Variants in IPO5 observed in about 807,000 individuals in gnomAD.
The protein encoded by IPO5 is importin 5, also known as importin-5.
IPO5 carries 18 observed loss-of-function variants against 143.3 expected under a neutral mutation model. That is an observed-to-expected ratio of 0.13 (90% CI 0.09 to 0.19). The LOEUF (loss-of-function observed/expected upper bound fraction) is 0.19, where lower values mean the gene tolerates loss of function less well. IPO5 is among the 10% of genes least tolerant of loss of function. IPO5 has a pLI of 1.00. For missense variants in IPO5, 1,013 were observed against 1,336.9 expected (o/e 0.76, Z 3.78); for synonymous variants, 477 against 465.7 (o/e 1.02, Z -0.31).
At chr13:97,981,405 G>A in intron 4 of IPO5, 1 of 347,462 alleles carries the variant, frequency 2.9e-6, no homozygotes. Flanking sequence ...TCTTAGGCAA[G>A]TCATTAACTT....
At position 98,018,671 on chromosome 13, in the gene IPO5, T is replaced by A; in HGVS notation, c.2803T>A (p.Tyr935Asn). 3 of 1,614,208 alleles carry A rather than the reference T, an allele frequency of 1.9e-6. No individual in the cohort carries two copies. The highest frequency in any genetic ancestry group is 2.5e-6 in the Non-Finnish European group (3 of 1,180,026). The stretch of plus-strand genomic sequence containing the variant: ...ATATGGCCTGGGAGTCATGGCACAG[T>A]ACGGTGGAGATAATTATCGCCCTTT... ...AAYGLGVMAQ[Y>N]GGDNYRPFCT... The change falls in exon 26 of 29, where the codon TAC becomes AAC. Residue 935 changes from tyrosine (Y) to asparagine (N), a missense_variant. This residue lies in a region of IPO5 where 685 missense variants were observed against 994.9 expected (regional missense o/e 0.69). Coordinates refer to ENST00000651721, the MANE Select transcript of IPO5 (RefSeq NM_002271.6).
rs1888879767 is a variant in IPO5 at position 98,002,386 on chromosome 13, G to A, written c.1109-81G>A. On this transcript the variant is annotated intron_variant, in intron 13 of 28. Transcript: ENST00000651721. Reference sequence around the variant, plus strand: ...AGTTTTGTTACTCTTTTCCAAATAAGAACTTTTATACATCTCCCTCTACCA... The same window carrying A: ...AGTTTTGTTACTCTTTTCCAAATAAAAACTTTTATACATCTCCCTCTACCA... The A allele has an allele frequency of 2.2e-6, 3 of 1,367,462 alleles. No homozygotes were observed. In the African/African-American group the frequency reaches 4.4e-5, roughly 20 times the overall value. 84.7% of individuals were successfully genotyped at this position (1,367,462 alleles called of 1,614,324 possible).
intron 12 of IPO5, among the ~76,000 whole-genome samples, chr13:97,999,769 C>T (rs1430749865): frequency 1.3e-5 from 2 of 152,178 alleles, no homozygotes; most frequent in Non-Finnish European, 2.9e-5. Context: ...GTGCAGTTTG[C>T]ACCCCTTTAA....
chr13:97,985,493 C>G lies in IPO5; in HGVS notation c.244C>G (p.Pro82Ala), dbSNP rs1051518732. 30 of 1,613,862 alleles carry G rather than the reference C, an allele frequency of 1.9e-5. No individual in the cohort carries two copies. The highest frequency in any genetic ancestry group is 2.4e-5 in the Non-Finnish European group (28 of 1,179,936). Residue 82 changes from proline (P) to alanine (A), a missense_variant, in exon 6 of 29, where the codon CCC becomes GCC. Physicochemically the swap from Pro to Ala is conservative, Grantham distance 27. Transcript: ENST00000651721. ...SAFDEVYPALPSDVQTAIKSE... is the reference protein window; with the variant it reads ...SAFDEVYPALASDVQTAIKSE... Reference sequence around the variant, plus strand: ...ATTTGATGAAGTCTATCCAGCACTTCCCTCTGATGTTCAGACTGCCATCAA... The same window carrying G: ...ATTTGATGAAGTCTATCCAGCACTTGCCTCTGATGTTCAGACTGCCATCAA...
At chr13:97,955,992 C>T (rs1292372229) in intron 2 of IPO5, among the ~76,000 whole-genome samples, 2 of 151,818 alleles carry the variant, frequency 1.3e-5, no homozygotes, top group African/African-American at 4.8e-5. Context: ...ATTAGCCGGG[C>T]GTGGTGGCGG....
intron 2 of IPO5, chr13:97,960,423 T>A (rs185948018): frequency 6.6e-6 from 1 of 152,276 alleles, no homozygotes; most frequent in African/African-American, 2.4e-5. Context: ...CTGTGAATGA[T>A]AGGGGGAAAA....
At position 98,018,670 on chromosome 13, in the gene IPO5, G is replaced by A. The variant is rs1258118860; in HGVS notation, c.2802G>A (p.Gln934=). ...CATATGGCCTGGGAGTCATGGCACA[G>A]TACGGTGGAGATAATTATCGCCCTT... The part of the protein sequence containing the change: ...AAAYGLGVMA[Q]YGGDNYRPFC... Residue 934 remains glutamine, a synonymous_variant, in exon 26 of 29, where the codon CAG becomes CAA. Coordinates refer to ENST00000651721, the MANE Select transcript of IPO5 (RefSeq NM_002271.6). 10 of 1,614,202 alleles carry A rather than the reference G, an allele frequency of 6.2e-6. No individual in the cohort carries two copies. Among genetic ancestry groups the A allele is most frequent in the Non-Finnish European group, 8.5e-6 (10 of 1,180,022 alleles).
intron 2 of IPO5, 26 bp from the exon 3 acceptor site, chr13:97,969,697 C>A: frequency 1.0e-6 from 1 of 956,940 alleles, no homozygotes; most frequent in Non-Finnish European, 1.7e-6. Context: ...ATCTAATGGT[C>A]CACCATTCTG....
intron 25 of IPO5, among the ~76,000 whole-genome samples, chr13:98,017,738 G>A (rs1469540570): frequency 6.6e-6 from 1 of 152,164 alleles, no homozygotes; most frequent in Non-Finnish European, 1.5e-5. Context: ...AGATACATGT[G>A]TTTCTGTTAT....
At chr13:98,012,801 A>ATTTTTTTTTTTTTTTTTT (rs59658983) in intron 21 of IPO5, among the ~76,000 whole-genome samples, 17 of 109,158 alleles carry the variant, frequency 1.6e-4, no homozygotes, top group African/African-American at 2.0e-4. Context: ...GCTAGATTTG[A>ATTTTTTTTTTTTTTTTTT]TTTTTTTTTT....
At chr13:97,956,996 G>T (rs1478643325) in intron 2 of IPO5, among the ~76,000 whole-genome samples, 3 of 152,170 alleles carry the variant, frequency 2.0e-5, no homozygotes, top group Non-Finnish European at 2.9e-5. Context: ...CAATATCGCT[G>T]ATTTTACATG....
At position 97,969,693 on chromosome 13, in the gene IPO5, T is replaced by C. The variant is rs569596161; in HGVS notation, c.-112-30T>C. On this transcript the variant is annotated intron_variant, in intron 2 of 28. Coordinates refer to ENST00000651721, the MANE Select transcript of IPO5 (RefSeq NM_002271.6). ...ATCTTCAAAATTAAGTACCATCTAATGGTCCACCATTCTGTTTCTGTCAAA... is the reference window on the plus strand; with the variant it reads ...ATCTTCAAAATTAAGTACCATCTAACGGTCCACCATTCTGTTTCTGTCAAA... 17 of 918,988 alleles carry C rather than the reference T, an allele frequency of 1.8e-5. 1 individual carries two copies. The highest frequency in any genetic ancestry group is 1.2e-4 in the Admixed American group (7 of 56,864). The allele number at this position is 918,988 out of a possible 1,614,324, so 56.9% of individuals were successfully genotyped here. A position where few individuals can be genotyped will look rare whatever the true frequency, so the allele number is the denominator to read the frequency against.
At chr13:98,006,438 G>A (rs554530572) in intron 17 of IPO5, 90 bp downstream of exon 17, 165 of 769,302 alleles carry the variant, frequency 2.1e-4, no homozygotes, top group Middle Eastern at 1.2e-3. Flanking sequence ...GCAGTGGCAC[G>A]ATCTCGGCTC....
chr13:97,959,339 A>G (rs1239667931), intron 2 of IPO5, among the ~76,000 whole-genome samples: 1 of 151,658 alleles, frequency 6.6e-6, no homozygotes, highest in Non-Finnish European at 1.5e-5. Context: ...GAATACCCCA[A>G]CTTGTTTTTG....
chr13:97,991,464 G>A (rs114227882), intron 9 of IPO5, among the ~76,000 whole-genome samples: 2,159 of 152,290 alleles, frequency 0.014, 50 homozygotes, highest in African/African-American at 0.05. Flanking sequence ...GTAAGGTTCT[G>A]AACAAAGCAA....
intron 3 of IPO5, chr13:97,976,104 G>A (rs952676699): frequency 6.5e-6 from 2 of 308,646 alleles, no homozygotes; most frequent in Non-Finnish European, 4.7e-6. Flanking sequence ...AGCGGCCACG[G>A]GGAGGGGCCG....
In IPO5 at chr13:97,976,883, C is replaced by G. The variant is rs1886394222; in HGVS notation, c.90+97C>G. On this transcript the variant is annotated intron_variant, in intron 4 of 28. Transcript: ENST00000651721. ...CGGGCCTCGGCCGGTCCGCGGCGGC[C>G]GCGCAGGCTGGGCCCGGCGGGCGGC... The G allele has an allele frequency of 2.1e-5, 6 of 281,808 alleles. No individual in the cohort carries two copies. In the South Asian group the frequency reaches 7.4e-4, roughly 35 times the overall value. 17.5% of individuals were successfully genotyped at this position (281,808 alleles called of 1,614,324 possible).
intron 8 of IPO5, 26 bp downstream of exon 8, chr13:97,990,248 T>C (rs1364223905): frequency 2.1e-6 from 3 of 1,456,266 alleles, no homozygotes. Context: ...CCTATTAATA[T>C]AACCATCTAT....
chr13:98,009,954 T>C lies in IPO5; in HGVS notation c.1874T>C (p.Val625Ala), dbSNP rs767804487. The C allele has an allele frequency of 5.6e-6, 9 of 1,614,002 alleles. No individual in the cohort carries two copies. The highest frequency in any genetic ancestry group is 7.6e-6 in the Non-Finnish European group (9 of 1,179,904). Residue 625 changes from valine (V) to alanine (A), a missense_variant, in exon 19 of 29, where the codon GTG becomes GCG. This residue lies in a region of IPO5 where 685 missense variants were observed against 994.9 expected (regional missense o/e 0.69). Coordinates refer to ENST00000651721, the MANE Select transcript of IPO5 (RefSeq NM_002271.6). ...LGKEFQQYLP[V>A]VMGPLMKTAS... ...AAAGAATTTCAGCAATACCTTCCAGTGGTTATGGGGCCTTTAATGAAGACG... is the reference window on the plus strand; with the variant it reads ...AAAGAATTTCAGCAATACCTTCCAGCGGTTATGGGGCCTTTAATGAAGACG...
Sources: gnomAD v4.1 joint callset for allele counts (sites outside exome capture counted in the v4.1 genomes callset) on GRCh38, gnomAD v4.1.1 for gene constraint, gnomAD v4.1.1 regional missense constraint, MANE v1.5 for transcripts, NCBI Gene and HGNC (gene_info 2026-07-23, HGNC 2026-07-21) for gene names.